The following LFNG variants were observed in gnomAD, a reference collection of about 807,000 sequenced individuals.
LFNG encodes the protein LFNG O-fucosylpeptide 3-beta-N-acetylglucosaminyltransferase, also known as beta-1,3-N-acetylglucosaminyltransferase lunatic fringe.
LFNG carries 15 observed loss-of-function variants against 32.7 expected under a neutral mutation model. That is an observed-to-expected ratio of 0.46 (90% confidence interval 0.31 to 0.71). The LOEUF (loss-of-function observed/expected upper bound fraction) is 0.71. Among genes scored for constraint, LFNG ranks in the 30% least tolerant of loss-of-function variants. LFNG has a pLI of 0.06. For synonymous variants in LFNG, 274 were observed against 246.8 expected (o/e 1.11, Z -1.03); for missense variants, 520 against 545.7 (o/e 0.95, Z 0.47).
Position 2,512,570 on chromosome 7 carries a change from G to T in LFNG, c.-85G>T, listed in dbSNP as rs997446561. ...CTGGCAGAGCCTCCCAAGGAAGGGAGGAGGGAGGACAGAGGCCAAGGCGGC... is the reference window on the plus strand; with the variant it reads ...CTGGCAGAGCCTCCCAAGGAAGGGATGAGGGAGGACAGAGGCCAAGGCGGC... On this transcript the variant is annotated 5_prime_UTR_variant, in exon 1 of 9. Transcript: ENST00000402506. The T allele has an allele frequency of 3.4e-6, 4 of 1,184,084 alleles. No individual in the cohort carries two copies. The African/African-American group carries it at 6.0e-5, about 18-fold the overall frequency. 73.3% of individuals were successfully genotyped at this position (1,184,084 alleles called of 1,614,324 possible). A position where few individuals can be genotyped will look rare whatever the true frequency, so the allele number is the denominator to read the frequency against.
intron 1 of LFNG, among the ~76,000 whole-genome samples, chr7:2,524,466 C>T (rs80333425): frequency 6.6e-6 from 1 of 152,214 alleles, no homozygotes; most frequent in African/African-American, 2.4e-5. Flanking sequence ...GGCCCCCATC[C>T]CCCACCCCCA....
chr7:2,513,443 C>T (rs1000798907), upstream of LFNG: 6 of 1,210,052 alleles, frequency 5.0e-6, no homozygotes, highest in Non-Finnish European at 6.7e-6. Flanking sequence ...GAAAGATGGC[C>T]CATGGTAGCG....
Position 2,525,441 on chromosome 7 carries a change from C to G in LFNG, c.609C>G (p.Asn203Lys). The change falls in exon 4 of 8, where the codon AAC (asparagine) becomes AAG (lysine). Residue 203 changes from asparagine to lysine, a missense_variant. By Grantham distance (94) the Asn-to-Lys change is moderately conservative. Coordinates refer to ENST00000222725, the MANE Select transcript of LFNG (RefSeq NM_001040167.2). ...GGTTCTGCCACGTGGACGATGACAA[C>G]TACGTCAACCTGCGGGCCCTGCTGC... ...RKWFCHVDDD[N>K]YVNLRALLRL... 1 of 1,612,878 alleles carries G rather than the reference C, an allele frequency of 6.2e-7. No homozygotes were observed. Among genetic ancestry groups the G allele is most frequent in the Non-Finnish European group, 8.5e-7 (1 of 1,179,886 alleles).
chr7:2,518,558 C>A, upstream of LFNG: 1 of 1,474,414 alleles, frequency 6.8e-7, no homozygotes, highest in Non-Finnish European at 9.5e-7. Flanking sequence ...GTCTGAATGA[C>A]ACCAGGTCGC....
Position 2,528,287 on chromosome 7 carries a change from C to T in LFNG, c.*1075C>T, listed in dbSNP as rs190614229. 214 of 986,144 alleles carry T rather than the reference C, an allele frequency of 2.2e-4. No homozygotes were observed. Among genetic ancestry groups the T allele is most frequent in the Middle Eastern group, 2.1e-3 (4 of 1,914 alleles). The allele number at this position is 986,144 out of a possible 1,614,324, so 61.1% of individuals were successfully genotyped here. On this transcript the variant is annotated 3_prime_UTR_variant, in exon 8 of 8. Transcript: ENST00000222725. ...TGGGCCCAGCATGGCTCACCTGTCC[C>T]GTGGGCTGTGTTTCTTGTTGTTTTT... is the stretch of plus-strand genomic sequence containing the variant.
chr7:2,516,686 C>T (rs897054675), upstream of LFNG, among the ~76,000 whole-genome samples: 6 of 152,224 alleles, frequency 3.9e-5, no homozygotes, highest in Admixed American at 6.5e-5. Flanking sequence ...GCAGGTCTCT[C>T]GGGCCATTCG....
Position 2,526,395 on chromosome 7 carries a change from G to T in LFNG, c.973G>T (p.Glu325Ter). 6.2e-7 allele frequency: 1 copy of T among 1,608,196 alleles called. No homozygotes were observed. ...LENLQQVPTS[E>*]LHEQVTLSYG... ...GAACCTGCAGCAGGTGCCCACCTCG[G>T]AGCTCCACGAGCAGGTGCACCATCC... is the stretch of plus-strand genomic sequence containing the variant. Residue 325 changes from glutamate to a stop codon, truncating the protein, a stop_gained, in exon 6 of 8, where the codon GAG (glutamate) becomes TAG (stop). Coordinates refer to ENST00000222725, the MANE Select transcript of LFNG (RefSeq NM_001040167.2). LOFTEE classifies it high-confidence loss of function. This position sits in a 1 kb window ranked among gnomAD's most constrained non-coding sequence, Gnocchi z 6.9.
In LFNG at chr7:2,527,548, T is replaced by C; in HGVS notation, c.*336T>C. On this transcript the variant is annotated 3_prime_UTR_variant, in exon 8 of 8. Transcript: ENST00000222725. This position sits in a 1 kb window ranked among gnomAD's most constrained non-coding sequence, Gnocchi z 4.4. Reference sequence around the variant, plus strand: ...TTGGATCTTTCTACAGCTACGGGGCTCCGGGCTACTTTGCAGGGATGCGAT... The same window carrying C: ...TTGGATCTTTCTACAGCTACGGGGCCCCGGGCTACTTTGCAGGGATGCGAT... The C allele has an allele frequency of 3.2e-6, 4 of 1,266,734 alleles. No individual in the cohort carries two copies. The highest frequency in any genetic ancestry group is 4.0e-6 in the Non-Finnish European group (4 of 992,614). The allele number at this position is 1,266,734 out of a possible 1,614,324, so 78.5% of individuals were successfully genotyped here. A position where few individuals can be genotyped will look rare whatever the true frequency, so the allele number is the denominator to read the frequency against.
rs772085474 is a variant in LFNG, at chr7:2,526,883, C to T, written c.1035C>T (p.His345=). The part of the protein sequence containing the change: ...GMFENKRNAV[H]VKGPFSVEAD... ...TTGAAAACAAGCGGAACGCCGTCCA[C>T]GTGAAGGGGCCCTTCTCGGTGGAGG... Residue 345 remains histidine (H), a synonymous_variant, in exon 7 of 8, where the codon CAC becomes CAT. Transcript: ENST00000222725. The surrounding 1 kb of genome is among the most constrained non-coding windows in gnomAD (Gnocchi z 6.9). 1.7e-5 allele frequency: 27 copies of T among 1,611,740 alleles called. No individual in the cohort carries two copies. The highest frequency in any genetic ancestry group is 3.3e-5 in the South Asian group (3 of 91,026).
downstream of LFNG, chr7:2,529,032 C>T (rs959746973): frequency 2.8e-5 from 12 of 433,076 alleles, no homozygotes; most frequent in Non-Finnish European, 5.0e-5. This position sits in a 1 kb window ranked among gnomAD's most constrained non-coding sequence, Gnocchi z 4.2. Flanking sequence ...GGCCCCAGGC[C>T]CCGACCCCGC....
rs76051534 is a variant in LFNG, at chr7:2,525,505, G to A, written c.673G>A (p.Val225Ile). 4.5e-5 allele frequency: 72 copies of A among 1,612,368 alleles called. No homozygotes were observed. The highest frequency in any genetic ancestry group is 3.3e-4 in the Middle Eastern group (2 of 6,060). Residue 225 changes from valine to isoleucine, a missense_variant, in exon 4 of 8, where the codon GTC (valine) becomes ATC (isoleucine). Around this residue, in one of 3 missense-constraint regions of LFNG, gnomAD observed 360 missense variants for 354.7 expected, o/e 1.01. Transcript: ENST00000222725. ...CTACCCGCACACGCGGGACGTCTAC[G>A]TCGGCAAGCCCAGCCTGGACAGGCC... ...ASYPHTRDVYVGKPSLDRPIQ... is the reference protein window; with the variant it reads ...ASYPHTRDVYIGKPSLDRPIQ...
upstream of LFNG, among the ~76,000 whole-genome samples, chr7:2,516,878 C>T (rs56218647): frequency 1.7e-4 from 26 of 152,270 alleles, no homozygotes; most frequent in Admixed American, 7.8e-4. Context: ...GTAACACCAC[C>T]GGTTCAAGGT....
At chr7:2,514,397 C>T (rs191837254), upstream of LFNG, among the ~76,000 whole-genome samples, 2 of 152,354 alleles carry the variant, frequency 1.3e-5, no homozygotes, top group East Asian at 1.9e-4. Context: ...AATCACATCA[C>T]GGTCCCGCTG....
rs1395988623 is a variant in LFNG, at chr7:2,527,166, A to G, written c.1094A>G (p.His365Arg). 13 of 1,612,456 alleles carry G rather than the reference A, an allele frequency of 8.1e-6. No individual in the cohort carries two copies. Among genetic ancestry groups the G allele is most frequent in the African/African-American group, 1.3e-5 (1 of 74,716 alleles). Residue 365 changes from histidine (H) to arginine (R), a missense_variant, in exon 8 of 8, where the codon CAC becomes CGC. Physicochemically the swap from His to Arg is conservative, Grantham distance 29. Coordinates refer to ENST00000222725, the MANE Select transcript of LFNG (RefSeq NM_001040167.2). The surrounding 1 kb of genome is among the most constrained non-coding windows in gnomAD (Gnocchi z 4.4). ...DPSRFRSIHC[H>R]LYPDTPWCPR... ...CACAGGTTCCGCTCCATCCACTGCCACCTGTACCCGGACACACCCTGGTGT... is the reference window on the plus strand; with the variant it reads ...CACAGGTTCCGCTCCATCCACTGCCGCCTGTACCCGGACACACCCTGGTGT...
chr7:2,524,812 C>A, intron 2 of LFNG, 69 bp downstream of exon 2: 3 of 1,401,980 alleles, frequency 2.1e-6, no homozygotes, highest in East Asian at 5.0e-5. Context: ...CCCCTCCAGT[C>A]TCCCTGCCCC....
intron 2 of LFNG, 45 bp from the exon 3 acceptor site, chr7:2,525,174 T>A: frequency 6.4e-7 from 1 of 1,552,824 alleles, no homozygotes; most frequent in Non-Finnish European, 8.9e-7. Flanking sequence ...GGCCCCTCTC[T>A]GGGAGCCGGC....
rs767087803 is a variant in LFNG at position 2,525,498 on chromosome 7, C to G, written c.666C>G (p.Asp222Glu). The change falls in exon 4 of 8, where the codon GAC (aspartate) becomes GAG (glutamate). Residue 222 changes from aspartate (D) to glutamate (E), a missense_variant. Physicochemically the swap from Asp to Glu is conservative, Grantham distance 45. This residue lies in a region of LFNG where 360 missense variants were observed against 354.7 expected (regional missense o/e 1.01). Coordinates refer to ENST00000222725, the MANE Select transcript of LFNG (RefSeq NM_001040167.2). ...RLLASYPHTR[D>E]VYVGKPSLDR... Reference sequence around the variant, plus strand: ...TGGCCAGCTACCCGCACACGCGGGACGTCTACGTCGGCAAGCCCAGCCTGG... The same window carrying G: ...TGGCCAGCTACCCGCACACGCGGGAGGTCTACGTCGGCAAGCCCAGCCTGG... 6.2e-7 allele frequency: 1 copy of G among 1,612,230 alleles called. No homozygotes were observed. The highest frequency in any genetic ancestry group is 1.3e-5 in the African/African-American group (1 of 74,942).
chr7:2,517,199 G>A (rs190655193), upstream of LFNG, among the ~76,000 whole-genome samples: 1,478 of 152,204 alleles, frequency 9.7e-3, 10 homozygotes, highest in Non-Finnish European at 0.017. Context: ...GTGGCTAGGC[G>A]GGCCACCCCC....
chr7:2,524,116 G>A (rs777673200), intron 1 of LFNG, among the ~76,000 whole-genome samples: 6 of 152,194 alleles, frequency 3.9e-5, no homozygotes, highest in Non-Finnish European at 8.8e-5. Flanking sequence ...CAAAGCTGGC[G>A]GACAATGCCT....
Sources: allele counts gnomAD v4.1 joint callset (sites outside exome capture counted in the v4.1 genomes callset), GRCh38; gene constraint gnomAD v4.1.1; regional missense constraint gnomAD v4.1.1; non-coding constraint Gnocchi (gnomAD v3.1); transcripts MANE v1.5; gene names NCBI Gene and HGNC (gene_info 2026-07-23, HGNC 2026-07-21).